The following LRRC4C variants were observed in gnomAD, a reference collection of about 807,000 sequenced individuals.
The protein encoded by LRRC4C is leucine rich repeat containing 4C.
In LRRC4C, 5 loss-of-function variants were observed where a neutral mutation model predicts 33.6. The observed-to-expected ratio is 0.15, with a 90% CI of 0.08 to 0.31. The LOEUF is 0.31. Ranked by LOEUF, LRRC4C falls within the 10% of genes least tolerant of loss-of-function variation. The pLI is 1.00. For synonymous variants in LRRC4C, 329 were observed against 302.0 expected (o/e 1.09, Z -0.93); for missense variants, 560 against 796.7 (o/e 0.70, Z 3.58).
intron 1 of LRRC4C, among the ~76,000 whole-genome samples, chr11:41,278,591 T>C (rs535450923): frequency 8.7e-4 from 133 of 152,342 alleles, no homozygotes; most frequent in South Asian, 7.0e-3. Flanking sequence ...TTAAGACAGA[T>C]TGCTGGGCCT....
chr11:41,027,874 G>C (rs1306397005), intron 1 of LRRC4C, among the ~76,000 whole-genome samples: 2 of 151,568 alleles, frequency 1.3e-5, no homozygotes, highest in Non-Finnish European at 3.0e-5. Context: ...TCTTCATGTT[G>C]CTATCTCATT....
In LRRC4C at chr11:41,146,994, T is replaced by C. The variant is rs11036255; in HGVS notation, c.-495-213271A>G. On this transcript the variant is annotated intron_variant, in intron 1 of 6. Transcript: ENST00000528697. The stretch of plus-strand genomic sequence containing the variant: ...TATCCAAACTCTTAAATACTTTATT[T>C]TGTTTTACAGATCATGAATGATTCC... Among the ~76,000 whole-genome samples the C allele has an allele frequency of 2.3e-3, 351 of 152,360 alleles. 11 individuals are homozygous for C. The East Asian group carries it at 0.056, about 24-fold the overall frequency.
chr11:41,072,712 C>G (rs996521875), intron 1 of LRRC4C, among the ~76,000 whole-genome samples: 1 of 152,072 alleles, frequency 6.6e-6, no homozygotes, highest in African/African-American at 2.4e-5. Context: ...CTTAGTTTGG[C>G]CACATGATCT....
intron 3 of LRRC4C, among the ~76,000 whole-genome samples, chr11:40,513,049 AC>A (rs879674581): frequency 2.0e-5 from 3 of 152,170 alleles, no homozygotes; most frequent in South Asian, 2.1e-4. Context: ...GGAGATCGAG[AC>A]CATCCTGGCT....
chr11:40,572,607 A>G (rs192653259), intron 3 of LRRC4C, among the ~76,000 whole-genome samples: 34 of 152,290 alleles, frequency 2.2e-4, no homozygotes, highest in African/African-American at 7.7e-4. Flanking sequence ...AGTGAGTTAC[A>G]GGGCAGGGGC....
chr11:40,990,107 G>A (rs1454419178), intron 1 of LRRC4C, among the ~76,000 whole-genome samples: 3 of 150,770 alleles, frequency 2.0e-5, no homozygotes, highest in Non-Finnish European at 3.0e-5. Context: ...CAAGGATACT[G>A]AGGGTGATTG....
At chr11:40,879,107 G>C (rs1436202332) in intron 2 of LRRC4C, among the ~76,000 whole-genome samples, 1 of 152,146 alleles carries the variant, frequency 6.6e-6, no homozygotes, top group Non-Finnish European at 1.5e-5. Context: ...GCCTTGAACA[G>C]TCATAGTCTC....
chr11:40,158,970 T>G (rs1196043263), intron 5 of LRRC4C, among the ~76,000 whole-genome samples: 1 of 152,170 alleles, frequency 6.6e-6, no homozygotes, highest in Non-Finnish European at 1.5e-5. Flanking sequence ...TTTTCTTATC[T>G]TAAAATAATC....
intron 3 of LRRC4C, among the ~76,000 whole-genome samples, chr11:40,406,990 C>T (rs897825319): frequency 3.3e-5 from 5 of 152,170 alleles, no homozygotes; most frequent in Middle Eastern, 3.4e-3. Context: ...GTGGGCTACA[C>T]ATATTCCCTT....
chr11:41,173,297 A>T (rs1945056725), intron 1 of LRRC4C, among the ~76,000 whole-genome samples: 1 of 152,124 alleles, frequency 6.6e-6, no homozygotes. Flanking sequence ...TTGAAAATGT[A>T]AAAGCTGTAG....
chr11:40,710,292 G>T (rs2136578178), intron 2 of LRRC4C, among the ~76,000 whole-genome samples: 1 of 152,250 alleles, frequency 6.6e-6, no homozygotes, highest in South Asian at 2.1e-4. Flanking sequence ...AGAATTTTCA[G>T]CTTTTCTTCT....
In LRRC4C at chr11:41,168,499, G is replaced by C. The variant is rs568186695; in HGVS notation, c.-495-234776C>G. ...AGAGGACAGCTATCATCTAAGAATT[G>C]TTTTCAATCTCTAATCTGTACTTAA... On this transcript the variant is annotated intron_variant, in intron 1 of 6. Transcript: ENST00000528697. Among the ~76,000 whole-genome samples, 33 of 152,228 alleles carry C rather than the reference G, an allele frequency of 2.2e-4. No homozygotes were observed. The South Asian group carries it at 6.8e-3, about 32-fold the overall frequency.
At chr11:41,164,893 G>A (rs1207308984) in intron 1 of LRRC4C, among the ~76,000 whole-genome samples, 1 of 152,130 alleles carries the variant, frequency 6.6e-6, no homozygotes, top group African/African-American at 2.4e-5. Context: ...GGCTTGGATA[G>A]AATCCAGGGC....
chr11:40,701,767 T>G (rs1009858139), intron 2 of LRRC4C, among the ~76,000 whole-genome samples: 7 of 151,764 alleles, frequency 4.6e-5, no homozygotes, highest in African/African-American at 1.7e-4. Flanking sequence ...AAAGCCTGCA[T>G]AATAGAGTCA....
intron 5 of LRRC4C, among the ~76,000 whole-genome samples, chr11:40,198,748 A>C (rs1862469887): frequency 6.6e-6 from 1 of 152,164 alleles, no homozygotes; most frequent in Non-Finnish European, 1.5e-5. Flanking sequence ...AGCTTTCTAA[A>C]TGGATGCTAG....
At chr11:40,849,217 T>C (rs1297760321) in intron 2 of LRRC4C, among the ~76,000 whole-genome samples, 1 of 152,228 alleles carries the variant, frequency 6.6e-6, no homozygotes, top group Non-Finnish European at 1.5e-5. Flanking sequence ...CGTTAGTTGA[T>C]GCAATTTCTT....
At chr11:41,181,426 C>G (rs768381969) in intron 1 of LRRC4C, among the ~76,000 whole-genome samples, 1 of 152,044 alleles carries the variant, frequency 6.6e-6, no homozygotes, top group Non-Finnish European at 1.5e-5. Flanking sequence ...CCTGAGCCAC[C>G]ACTGGTCTCA....
intron 2 of LRRC4C, among the ~76,000 whole-genome samples, chr11:40,917,229 C>T (rs1453515106): frequency 6.6e-6 from 1 of 152,200 alleles, no homozygotes; most frequent in East Asian, 1.9e-4. Context: ...TTTTCCTTCT[C>T]TCCATAATGT....
At chr11:40,732,546 C>T (rs772012506) in intron 2 of LRRC4C, among the ~76,000 whole-genome samples, 6 of 152,156 alleles carry the variant, frequency 3.9e-5, no homozygotes, top group Non-Finnish European at 7.3e-5. Flanking sequence ...GGAGATTACA[C>T]ATCCCTAGAA....
Sources: gnomAD v4.1 joint callset for allele counts (sites outside exome capture counted in the v4.1 genomes callset) on GRCh38, gnomAD v4.1.1 for gene constraint, MANE v1.5 for transcripts, NCBI Gene and HGNC (gene_info 2026-07-23, HGNC 2026-07-21) for gene names.